The following PRH1 variants were observed in gnomAD, a reference collection of about 807,000 sequenced individuals.
PRH1 encodes the protein salivary acidic proline-rich phosphoprotein 1/2.
Under a neutral mutation model 7.9 loss-of-function variants are expected in PRH1, and 7 were observed. The observed-to-expected ratio is 0.89, with a 90% CI of 0.50 to 1.67. The LOEUF is 1.67. Ranked by LOEUF, PRH1 falls within the 40% of genes most tolerant of loss-of-function variation. The probability of loss-of-function intolerance (pLI) is 0.00; values close to 1 mark genes in which losing one functional copy is unlikely to be tolerated. For synonymous variants in PRH1, 45 were observed against 80.8 expected, an observed-to-expected ratio of 0.56 and a Z score of 2.38; for missense variants, 109 against 223.6, an observed-to-expected ratio of 0.49 and a Z score of 3.27.
At chr12:11,071,997 C>T (rs1456522067) in intron 1 of PRH1, among the ~76,000 whole-genome samples, 1 of 152,046 alleles carries the variant, frequency 6.6e-6, no homozygotes, top group African/African-American at 2.4e-5. Flanking sequence ...TACTTTTGAA[C>T]CAGGCCTCAC....
At position 10,890,356 on chromosome 12, in the gene PRH1, G is replaced by A. The variant is rs377644141; in HGVS notation, c.-58-6081C>T. ...GCAGTGCATCGAATGGGTCCAAAGGGCCCTATCCACAAAGTCTTCCTAACT... is the reference window on the plus strand; with the variant it reads ...GCAGTGCATCGAATGGGTCCAAAGGACCCTATCCACAAAGTCTTCCTAACT... On this transcript the variant is annotated intron_variant, in intron 2 of 3. Transcript: ENST00000539853. Among the ~76,000 whole-genome samples, 25 of 152,144 alleles carry A rather than the reference G, an allele frequency of 1.6e-4. No homozygotes were observed. The East Asian group carries it at 2.7e-3, about 16-fold the overall frequency.
intron 1 of PRH1, among the ~76,000 whole-genome samples, chr12:11,038,551 T>C (rs1216447882): frequency 6.6e-6 from 1 of 152,268 alleles, no homozygotes; most frequent in Non-Finnish European, 1.5e-5. Context: ...TCTGTATTAT[T>C]ATTTATGTAG....
intron 2 of PRH1, chr12:10,965,145 C>T: frequency 7.0e-7 from 1 of 1,438,596 alleles, no homozygotes; most frequent in Non-Finnish European, 9.5e-7. Flanking sequence ...GGATTCAAAA[C>T]AGTTGCATAC....
rs536580034 is a variant in PRH1 at position 10,935,155 on chromosome 12, T to G, written c.-59+38500A>C. On this transcript the variant is annotated intron_variant, in intron 2 of 3. Coordinates refer to the PRH1 transcript ENST00000539853. Reference sequence around the variant, plus strand: ...TTACATTTATTTATCAATTAATTGTTTGCAAGTTCCCGTATACACACACTT... The same window carrying G: ...TTACATTTATTTATCAATTAATTGTGTGCAAGTTCCCGTATACACACACTT... 5.9e-5 allele frequency among the ~76,000 whole-genome samples: 9 copies of G among 152,246 alleles called. No individual in the cohort carries two copies. The South Asian group carries it at 1.7e-3, about 28-fold the overall frequency.
intron 1 of PRH1, chr12:11,076,938 C>G (rs1565628239): frequency 8.7e-6 from 1 of 114,690 alleles, no homozygotes; most frequent in Non-Finnish European, 2.1e-5. Context: ...TAGGGGTTCA[C>G]CAATGATAGT....
chr12:10,950,788 T>A (rs925054777), intron 2 of PRH1, among the ~76,000 whole-genome samples: 5 of 152,020 alleles, frequency 3.3e-5, no homozygotes, highest in Non-Finnish European at 7.4e-5. Flanking sequence ...TGTTAAAATA[T>A]TAAAATGATT....
chr12:11,099,226 T>C (rs1187247594), intron 1 of PRH1, among the ~76,000 whole-genome samples: 2 of 152,196 alleles, frequency 1.3e-5, no homozygotes, highest in African/African-American at 4.8e-5. Flanking sequence ...AGATTTGAGA[T>C]GGCTTCCATA....
chr12:11,076,323 G>A (rs1194995972), intron 1 of PRH1, among the ~76,000 whole-genome samples: 1 of 113,124 alleles, frequency 8.8e-6, no homozygotes, highest in Admixed American at 9.1e-5. Context: ...TCAATATATA[G>A]ATTTCACAGA....
intron 1 of PRH1, among the ~76,000 whole-genome samples, chr12:11,024,641 T>C (rs1328949894): frequency 1.3e-5 from 2 of 151,572 alleles, no homozygotes; most frequent in Non-Finnish European, 2.9e-5. Context: ...CACTTCTCTA[T>C]ATTTTTTTCA....
rs542692465 is a variant in PRH1 at position 10,996,079 on chromosome 12, G to T, written c.-125-22358C>A. ...TGTCTATAATCCCAGCACTTTGGGAGGCTGAGGCAGTGGATCACTTGAGGT... is the reference window on the plus strand; with the variant it reads ...TGTCTATAATCCCAGCACTTTGGGATGCTGAGGCAGTGGATCACTTGAGGT... On this transcript the variant is annotated intron_variant, in intron 1 of 3. Transcript: ENST00000539853. Among the ~76,000 whole-genome samples, 42 of 151,912 alleles carry T rather than the reference G, an allele frequency of 2.8e-4. No homozygotes were observed. The East Asian group carries it at 6.8e-3, about 24-fold the overall frequency.
At chr12:11,122,134 C>T (rs960037453) in intron 1 of PRH1, among the ~76,000 whole-genome samples, 2 of 151,520 alleles carry the variant, frequency 1.3e-5, no homozygotes, top group Non-Finnish European at 2.9e-5. Context: ...CTTCAATGAA[C>T]AGGAAATTAG....
chr12:11,154,190 T>C (rs942029669), intron 1 of PRH1, among the ~76,000 whole-genome samples: 2 of 152,220 alleles, frequency 1.3e-5, no homozygotes, highest in African/African-American at 4.8e-5. Flanking sequence ...CAAAATGTTT[T>C]TTATCAATAA....
At chr12:11,170,198 A>G (rs895222931) in intron 1 of PRH1, among the ~76,000 whole-genome samples, 7 of 152,258 alleles carry the variant, frequency 4.6e-5, no homozygotes, top group Non-Finnish European at 8.8e-5. Context: ...TTAAATAACA[A>G]AAGTATTGTG....
chr12:11,001,911 C>A (rs970325627), intron 1 of PRH1, among the ~76,000 whole-genome samples: 2 of 151,846 alleles, frequency 1.3e-5, no homozygotes, highest in Non-Finnish European at 2.9e-5. Context: ...AAAATAAAAC[C>A]TTCACTTTAG....
At chr12:10,939,827 T>G (rs1565486282) in intron 2 of PRH1, among the ~76,000 whole-genome samples, 1 of 152,136 alleles carries the variant, frequency 6.6e-6, no homozygotes, top group African/African-American at 2.4e-5. Context: ...ACAAAATTGC[T>G]GAAAAAGTAA....
chr12:11,061,224 G>T, intron 1 of PRH1: 2 of 1,167,452 alleles, frequency 1.7e-6, no homozygotes, highest in Non-Finnish European at 2.3e-6. Flanking sequence ...TTAGACTAAC[G>T]TTAGGTAAAA....
Position 10,922,534 on chromosome 12 carries a change from G to C in PRH1, c.-58-38259C>G, listed in dbSNP as rs545414106. ...TCTGTTCTTTGTTATAGTGTACATGGTTTAGGTGTGTAAATGTTTCATGTG... is the reference window on the plus strand; with the variant it reads ...TCTGTTCTTTGTTATAGTGTACATGCTTTAGGTGTGTAAATGTTTCATGTG... On this transcript the variant is annotated intron_variant, in intron 2 of 3. Transcript: ENST00000539853. 2.0e-5 allele frequency among the ~76,000 whole-genome samples: 3 copies of C among 152,168 alleles called. No individual in the cohort carries two copies. The South Asian group carries it at 6.2e-4, about 32-fold the overall frequency.
chr12:10,938,837 C>T lies in PRH1; in HGVS notation c.-59+34818G>A, dbSNP rs199867104. Reference sequence around the variant, plus strand: ...CACCAAAACCACCTTTTTAACCCTCCACTTTAGGTAGAGAAAAATAGAGTT... The same window carrying T: ...CACCAAAACCACCTTTTTAACCCTCTACTTTAGGTAGAGAAAAATAGAGTT... On this transcript the variant is annotated intron_variant, in intron 2 of 3. Coordinates refer to the PRH1 transcript ENST00000539853. 2.5e-5 allele frequency: 40 copies of T among 1,613,496 alleles called. No homozygotes were observed. In the East Asian group the frequency reaches 8.5e-4, roughly 34 times the overall value.
At chr12:11,168,226 A>T (rs1233288034) in intron 1 of PRH1, among the ~76,000 whole-genome samples, 1 of 5,104 alleles carries the variant, frequency 2.0e-4, no homozygotes, top group Admixed American at 2.9e-3. Context: ...GAAAGAAAGA[A>T]AGAAAGAAAG....
Sources: allele counts gnomAD v4.1 joint callset (sites outside exome capture counted in the v4.1 genomes callset), GRCh38; gene constraint gnomAD v4.1.1; transcripts MANE v1.5; gene names NCBI Gene and HGNC (gene_info 2026-07-23, HGNC 2026-07-21).